Variants in SLC66A2 observed in about 807,000 individuals in gnomAD.
SLC66A2 encodes solute carrier family 66 member 2.
In SLC66A2, 23 loss-of-function variants were observed where a neutral mutation model predicts 25.5. The ratio of observed to expected loss-of-function variants is 0.90; its 90% CI spans 0.65 to 1.28. SLC66A2 has a LOEUF of 1.28. Ranked by LOEUF, SLC66A2 falls within the 50% of genes most tolerant of loss-of-function variation. The pLI is 0.00. For missense variants in SLC66A2, 396 were observed against 373.1 expected (o/e 1.06, Z -0.51); for synonymous variants, 193 against 166.5 (o/e 1.16, Z -1.23).
chr18:79,942,982 G>A (rs1008115031), intron 3 of SLC66A2, among the ~76,000 whole-genome samples: 1 of 152,184 alleles, frequency 6.6e-6, no homozygotes, highest in Non-Finnish European at 1.5e-5. Flanking sequence ...CAGACGAAAC[G>A]CCTGACCTGG....
chr18:79,913,610 C>T lies in SLC66A2; in HGVS notation c.608+5574G>A, dbSNP rs1003264834. Among the ~76,000 whole-genome samples the T allele has an allele frequency of 3.3e-5, 5 of 152,208 alleles. No individual in the cohort carries two copies. The East Asian group carries it at 5.8e-4, about 18-fold the overall frequency. ...CGCTGTGTGTGTGTGCATGCGCGCA[C>T]GCGCGCATGGAGGCAACTGTGCATG... On this transcript the variant is annotated intron_variant, in intron 5 of 5. Transcript: ENST00000397778.
chr18:79,905,125 A>C (rs963657167), intron 5 of SLC66A2, among the ~76,000 whole-genome samples: 1 of 152,164 alleles, frequency 6.6e-6, no homozygotes, highest in African/African-American at 2.4e-5. Context: ...CTCTCTCCCA[A>C]GCCCACAGTG....
intron 5 of SLC66A2, among the ~76,000 whole-genome samples, chr18:79,907,334 G>GTTTTTTTTTTTTTTTTTTTTTTTT (rs57635823): frequency 8.6e-6 from 1 of 116,902 alleles, no homozygotes; most frequent in Non-Finnish European, 1.7e-5. Context: ...TCTTTGTATA[G>GTTTTTTTTTTTTTTTTTTTTTTTT]TTTTTTTTTT....
chr18:79,918,474 C>CG lies in SLC66A2; in HGVS notation c.608+709dup, dbSNP rs1443207973. On this transcript the variant is annotated intron_variant, in intron 5 of 5. Coordinates refer to ENST00000397778, the MANE Select transcript of SLC66A2 (RefSeq NM_025078.5). This position sits in a 1 kb window ranked among gnomAD's most constrained non-coding sequence, Gnocchi z 4.0. The stretch of plus-strand genomic sequence containing the variant: ...ACCGGGGAGGGTCCCCAGTGAGGAG[C>CG]GGCACCGGGGGGTCCCCAGTGAGGA... 6.2e-5 allele frequency among the ~76,000 whole-genome samples: 9 copies of CG among 144,986 alleles called. No individual in the cohort carries two copies. The highest frequency in any genetic ancestry group is 1.1e-4 in the Non-Finnish European group (7 of 65,414).
intron 1 of SLC66A2, among the ~76,000 whole-genome samples, chr18:79,951,377 G>A (rs1345268425): frequency 6.6e-5 from 10 of 151,070 alleles, no homozygotes; most frequent in Non-Finnish European, 1.5e-4. Flanking sequence ...AGGGTCACAG[G>A]GCCTAGCATG....
At chr18:79,924,262 G>A (rs987600886) in intron 4 of SLC66A2, among the ~76,000 whole-genome samples, 2 of 152,176 alleles carry the variant, frequency 1.3e-5, no homozygotes, top group African/African-American at 4.8e-5. Flanking sequence ...CAAAAAGGAA[G>A]AAAGGGCAGA....
intron 3 of SLC66A2, among the ~76,000 whole-genome samples, chr18:79,943,062 G>T (rs1363839403): frequency 6.6e-6 from 1 of 152,228 alleles, no homozygotes; most frequent in African/African-American, 2.4e-5. Flanking sequence ...GTCTGGGATG[G>T]CGCTCACAGC....
chr18:79,915,522 C>T (rs1007657698), intron 5 of SLC66A2: 13 of 152,290 alleles, frequency 8.5e-5, no homozygotes, highest in African/African-American at 2.4e-4. Flanking sequence ...CTACTTCCTC[C>T]GCAGAGACTG....
At chr18:79,913,429 T>TGG (rs2123248474) in intron 5 of SLC66A2, among the ~76,000 whole-genome samples, 1 of 152,344 alleles carries the variant, frequency 6.6e-6, no homozygotes, top group South Asian at 2.1e-4. Context: ...AATCCGCCCT[T>TGG]CGGAGCCTGC....
At chr18:79,947,161 GGCCTGATCCCC>G (rs1296249514) in intron 2 of SLC66A2, 1 of 152,294 alleles carries the variant, frequency 6.6e-6, no homozygotes, top group African/African-American at 2.4e-5. Context: ...AGCCCAGTGT[GGCCTGATCCCC>G]GCCTGGCCTC....
chr18:79,943,340 C>A lies in SLC66A2; in HGVS notation c.326G>T (p.Arg109Leu), dbSNP rs772743648. 2.5e-6 allele frequency: 4 copies of A among 1,614,010 alleles called. No individual in the cohort carries two copies. The East Asian group carries it at 6.7e-5, about 27-fold the overall frequency. The change falls in exon 3 of 6, where the codon CGC (arginine) becomes CTC (leucine). Residue 109 changes from arginine (R) to leucine (L), a missense_variant. Physicochemically the swap from Arg to Leu is moderately radical, Grantham distance 102. Coordinates refer to ENST00000397778, the MANE Select transcript of SLC66A2 (RefSeq NM_025078.5). ...CGCCGGCCACCAACCTGTAAAGGAG[C>A]GGCGCCTGGCGTTGAGCTCGTTGGC... is the stretch of plus-strand genomic sequence containing the variant. ...RVANELNARR[R>L]SFTAADSKDE... is the part of the protein sequence containing the mutation.
rs892254321 is a variant in SLC66A2, at chr18:79,943,569, C to T, written c.204-107G>A. On this transcript the variant is annotated intron_variant, in intron 2 of 5. Coordinates refer to ENST00000397778, the MANE Select transcript of SLC66A2 (RefSeq NM_025078.5). ...GGTCAGGAGGGAGGCCCACCCACGC[C>T]GCCCCTCCCAGTCCTGAACCTGCAG... 8.1e-6 allele frequency: 11 copies of T among 1,355,262 alleles called. No individual in the cohort carries two copies. The African/African-American group carries it at 1.2e-4, about 14-fold the overall frequency. 84.0% of individuals were successfully genotyped at this position (1,355,262 alleles called of 1,614,324 possible). A position where few individuals can be genotyped will look rare whatever the true frequency, so the allele number is the denominator to read the frequency against.
At position 79,917,733 on chromosome 18, in the gene SLC66A2, C is replaced by T. The variant is rs906359075; in HGVS notation, c.608+1451G>A. ...CCTGTTCCAGCCATGGACACCCTCT[C>T]GGGCCTCCATGCACCCTCGCCCGAG... On this transcript the variant is annotated intron_variant, in intron 5 of 5. Coordinates refer to ENST00000397778, the MANE Select transcript of SLC66A2 (RefSeq NM_025078.5). The surrounding 1 kb of genome is among the most constrained non-coding windows in gnomAD (Gnocchi z 6.0). 4.6e-5 allele frequency among the ~76,000 whole-genome samples: 7 copies of T among 151,972 alleles called. No homozygotes were observed. The highest frequency in any genetic ancestry group is 7.4e-5 in the Non-Finnish European group (5 of 67,950).
Position 79,949,589 on chromosome 18 carries a change from A to G in SLC66A2, c.203+1135T>C, listed in dbSNP as rs1388547465. 3 of 152,362 alleles carry G rather than the reference A, an allele frequency of 2.0e-5. No homozygotes were observed. The East Asian group carries it at 5.8e-4, about 30-fold the overall frequency. 9.4% of individuals were successfully genotyped at this position (152,362 alleles called of 1,614,324 possible). A position where few individuals can be genotyped will look rare whatever the true frequency, so the allele number is the denominator to read the frequency against. ...TGAGGCAGGAGAATCACTTGAACCC[A>G]GGAGTCAGAGGCTGCAGTGAGCCGA... On this transcript the variant is annotated intron_variant, in intron 2 of 5. Transcript: ENST00000397778.
At chr18:79,938,324 G>C (rs1019260557) in intron 3 of SLC66A2, among the ~76,000 whole-genome samples, 1 of 152,154 alleles carries the variant, frequency 6.6e-6, no homozygotes, top group Non-Finnish European at 1.5e-5. Context: ...CGAGAGACAG[G>C]TGTGCACTCA....
At chr18:79,909,758 C>A (rs1432179841) in intron 5 of SLC66A2, among the ~76,000 whole-genome samples, 1 of 130,618 alleles carries the variant, frequency 7.7e-6, no homozygotes. Flanking sequence ...GAGTCCCCAA[C>A]CTTCCCCACA....
Position 79,940,720 on chromosome 18 carries a change from C to A in SLC66A2, c.337+2609G>T, listed in dbSNP as rs957154080. 2.6e-5 allele frequency among the ~76,000 whole-genome samples: 4 copies of A among 152,166 alleles called. No homozygotes were observed. The highest frequency in any genetic ancestry group is 5.9e-5 in the Non-Finnish European group (4 of 68,030). ...CATGAGCCCACACCTTTCATCAAGA[C>A]GCCCTGCAGGAACAGGCCTGGCCCA... On this transcript the variant is annotated intron_variant, in intron 3 of 5. Transcript: ENST00000397778. The surrounding 1 kb of genome is among the most constrained non-coding windows in gnomAD (Gnocchi z 4.1).
At chr18:79,939,413 C>G (rs1599636898) in intron 3 of SLC66A2, among the ~76,000 whole-genome samples, 3 of 152,300 alleles carry the variant, frequency 2.0e-5, no homozygotes, top group South Asian at 4.1e-4. Context: ...TAAAGAGCTG[C>G]TGCATAGCAA....
At chr18:79,913,270 C>T (rs1368569341) in intron 5 of SLC66A2, among the ~76,000 whole-genome samples, 4 of 152,192 alleles carry the variant, frequency 2.6e-5, no homozygotes, top group Non-Finnish European at 5.9e-5. Flanking sequence ...TGTCTGTATT[C>T]CGCATTTCAG....
Sources: gnomAD v4.1 joint callset for allele counts (sites outside exome capture counted in the v4.1 genomes callset) on GRCh38, gnomAD v4.1.1 for gene constraint, Gnocchi (gnomAD v3.1) non-coding constraint, MANE v1.5 for transcripts, NCBI Gene and HGNC (gene_info 2026-07-23, HGNC 2026-07-21) for gene names.